The following RNF217 variants were observed in gnomAD, a reference collection of about 807,000 sequenced individuals.
RNF217 encodes the protein E3 ubiquitin-protein ligase RNF217.
A neutral mutation model predicts 57.8 loss-of-function variants in RNF217; 31 were observed. The ratio of observed to expected loss-of-function variants is 0.54; its 90% confidence interval spans 0.40 to 0.72. The LOEUF is 0.72. RNF217 is among the 30% of genes least tolerant of loss of function. The pLI is 0.00. For synonymous variants in RNF217, 313 were observed against 294.0 expected, an observed-to-expected ratio of 1.06 and a Z score of -0.66; for missense variants, 696 against 708.3, an observed-to-expected ratio of 0.98 and a Z score of 0.20.
chr6:125,002,574 T>C (rs1347962208), intron 1 of RNF217, among the ~76,000 whole-genome samples: 2 of 152,136 alleles, frequency 1.3e-5, no homozygotes, highest in Non-Finnish European at 2.9e-5. Context: ...TTTTTTAACC[T>C]TATTATCTAC....
At chr6:125,067,226 G>A (rs1470266698) in intron 3 of RNF217, among the ~76,000 whole-genome samples, 2 of 152,212 alleles carry the variant, frequency 1.3e-5, no homozygotes, top group Non-Finnish European at 2.9e-5. Flanking sequence ...AGGAAGTGGT[G>A]AGAGGTGGGG....
rs373182508 is a variant in RNF217 at position 124,982,026 on chromosome 6, C to CAA, written c.882+18620_882+18621dup. On this transcript the variant is annotated intron_variant, in intron 1 of 5. Transcript: ENST00000521654. ...CTGGCAACAGAGCGAGACTCTGTCT[C>CAA]AAAAAAAAAAAAAAAAAAAAAGATC... Among the ~76,000 whole-genome samples, 115 of 58,010 alleles carry CAA rather than the reference C, an allele frequency of 2.0e-3. 3 individuals are homozygous for CAA. Among genetic ancestry groups the CAA allele is most frequent in the Non-Finnish European group, 2.4e-3 (78 of 31,922 alleles). 38.1% of individuals were successfully genotyped at this position (58,010 alleles called of 152,430 possible).
chr6:124,995,246 GT>G (rs1324379815), intron 1 of RNF217, among the ~76,000 whole-genome samples: 1 of 152,096 alleles, frequency 6.6e-6, no homozygotes, highest in Non-Finnish European at 1.5e-5. Context: ...CATGGTTATA[GT>G]TTTAAAAACA....
rs766793772 is a variant in RNF217, at chr6:125,084,303, A to G, written c.*1366A>G. On this transcript the variant is annotated 3_prime_UTR_variant, in exon 6 of 6. Coordinates refer to ENST00000521654, the MANE Select transcript of RNF217 (RefSeq NM_001286398.3). ...ACAAAAAAGTGAAGGAAATATTTTC[A>G]GGAAGTTTTTCTCAACCTACAAAAG... is the stretch of plus-strand genomic sequence containing the variant. 1 of 151,972 alleles carries G rather than the reference A, an allele frequency of 6.6e-6. No homozygotes were observed. The highest frequency in any genetic ancestry group is 1.5e-5 in the Non-Finnish European group (1 of 67,898). The allele number at this position is 151,972 out of a possible 1,614,324, so 9.4% of individuals were successfully genotyped here.
chr6:124,998,830 A>G (rs1339922211), intron 1 of RNF217, among the ~76,000 whole-genome samples: 1 of 152,144 alleles, frequency 6.6e-6, no homozygotes, highest in East Asian at 1.9e-4. Flanking sequence ...ATATTTTGTC[A>G]ACATAAGATT....
chr6:125,038,099 TA>T (rs1291374136), intron 1 of RNF217, among the ~76,000 whole-genome samples: 2 of 152,180 alleles, frequency 1.3e-5, no homozygotes, highest in African/African-American at 4.8e-5. Context: ...GCTTGAACGT[TA>T]AGTGGATAAT....
chr6:124,996,435 A>C (rs1017340858), intron 1 of RNF217: 6 of 152,156 alleles, frequency 3.9e-5, no homozygotes. Flanking sequence ...TATACCCTCA[A>C]TACTAATCTT....
intron 1 of RNF217, among the ~76,000 whole-genome samples, chr6:125,025,040 A>C (rs915960967): frequency 2.0e-5 from 3 of 152,206 alleles, no homozygotes; most frequent in African/African-American, 7.2e-5. Context: ...GGGAAAATCC[A>C]CAAAGGAGGA....
At chr6:125,057,692 A>C (rs542185044) in intron 2 of RNF217, among the ~76,000 whole-genome samples, 6 of 152,198 alleles carry the variant, frequency 3.9e-5, no homozygotes, top group Admixed American at 3.9e-4. Context: ...GATTTTCTTA[A>C]AGCTAAATTG....
intron 1 of RNF217, among the ~76,000 whole-genome samples, chr6:124,981,882 G>A (rs1227942667): frequency 6.6e-6 from 1 of 151,416 alleles, no homozygotes; most frequent in Non-Finnish European, 1.5e-5. Context: ...AAAAAATTTG[G>A]CCGGGCGTGG....
intron 1 of RNF217, among the ~76,000 whole-genome samples, chr6:125,010,477 C>T (rs756822381): frequency 1.3e-5 from 2 of 152,222 alleles, no homozygotes; most frequent in East Asian, 3.9e-4. Context: ...CTCAAAGGAG[C>T]ATTGTGTTTG....
chr6:124,989,060 T>TTACCATTGGTAAGTA, intron 1 of RNF217, among the ~76,000 whole-genome samples: 1 of 92,794 alleles, frequency 1.1e-5, no homozygotes, highest in East Asian at 5.0e-4. Context: ...TAATTTAATT[T>TTACCATTGGTAAGTA]GCTTGTCTAA....
At chr6:124,967,472 T>C (rs1444439037) in intron 1 of RNF217, among the ~76,000 whole-genome samples, 1 of 152,208 alleles carries the variant, frequency 6.6e-6, no homozygotes, top group Non-Finnish European at 1.5e-5. Flanking sequence ...GGAAGAGACA[T>C]GAGGATGCCA....
rs539911443 is a variant in RNF217, at chr6:125,065,355, G to A, written c.1281+7249G>A. Reference sequence around the variant, plus strand: ...GTGTTTATACGTAAAATAGAGTTTGGTTCTAACTTAAGATATTTCAAACAG... The same window carrying A: ...GTGTTTATACGTAAAATAGAGTTTGATTCTAACTTAAGATATTTCAAACAG... On this transcript the variant is annotated intron_variant, in intron 3 of 5. Transcript: ENST00000521654. Among the ~76,000 whole-genome samples, 3 of 151,852 alleles carry A rather than the reference G, an allele frequency of 2.0e-5. No homozygotes were observed. In the South Asian group the frequency reaches 6.2e-4, roughly 32 times the overall value.
intron 3 of RNF217, among the ~76,000 whole-genome samples, chr6:125,064,113 G>A (rs540472987): frequency 6.6e-6 from 1 of 152,146 alleles, no homozygotes; most frequent in Non-Finnish European, 1.5e-5. Flanking sequence ...CAATTCCTTA[G>A]TACTTCATAT....
chr6:125,015,620 A>G (rs1785572056), intron 1 of RNF217, among the ~76,000 whole-genome samples: 2 of 152,006 alleles, frequency 1.3e-5, no homozygotes, highest in African/African-American at 4.8e-5. Flanking sequence ...ACGTTTTAAT[A>G]TATATACATT....
chr6:125,031,559 G>A (rs1786360691), intron 1 of RNF217, among the ~76,000 whole-genome samples: 1 of 152,100 alleles, frequency 6.6e-6, no homozygotes, highest in Admixed American at 6.5e-5. Context: ...TAGGGCAGGG[G>A]CAAAAAGCTG....
intron 1 of RNF217, among the ~76,000 whole-genome samples, chr6:124,991,240 C>G (rs1447309216): frequency 2.0e-5 from 3 of 152,206 alleles, no homozygotes; most frequent in Non-Finnish European, 4.4e-5. Flanking sequence ...ATTGCTCACT[C>G]AGAACCAGCT....
At chr6:124,969,921 T>G in intron 1 of RNF217, among the ~76,000 whole-genome samples, 1 of 152,168 alleles carries the variant, frequency 6.6e-6, no homozygotes, top group East Asian at 1.9e-4. Context: ...AGAAGAGATC[T>G]TCATGATGCC....
Sources: allele counts gnomAD v4.1 joint callset (sites outside exome capture counted in the v4.1 genomes callset), GRCh38; gene constraint gnomAD v4.1.1; transcripts MANE v1.5; gene names NCBI Gene and HGNC (gene_info 2026-07-23, HGNC 2026-07-21).